ARID5B: variants seen among roughly 807,000 people sequenced by gnomAD.
ARID5B encodes AT-rich interaction domain 5B, also known as AT-rich interactive domain-containing protein 5B.
Under a neutral mutation model 97.2 loss-of-function variants are expected in ARID5B, and 13 were observed. The observed-to-expected ratio is 0.13, with a 90% confidence interval of 0.09 to 0.21. The LOEUF is 0.21. Ranked by LOEUF, ARID5B falls within the 10% of genes least tolerant of loss-of-function variation. ARID5B has a pLI of 1.00. For missense variants in ARID5B, 1,210 were observed against 1,465.3 expected, an observed-to-expected ratio of 0.83 and a Z score of 2.84; for synonymous variants, 556 against 570.3, an observed-to-expected ratio of 0.97 and a Z score of 0.36.
At chr10:62,075,312 A>C (rs904272932) in intron 8 of ARID5B, among the ~76,000 whole-genome samples, 1 of 151,364 alleles carries the variant, frequency 6.6e-6, no homozygotes, top group Non-Finnish European at 1.5e-5. Context: ...TCCAATATTT[A>C]AAAAAATATT....
chr10:62,003,152 GGGGGT>G (rs1411298486), intron 4 of ARID5B, among the ~76,000 whole-genome samples: 1 of 152,166 alleles, frequency 6.6e-6, no homozygotes, highest in Non-Finnish European at 1.5e-5. Context: ...TTATGGAGTA[GGGGGT>G]GGGAGGAGGT....
intron 3 of ARID5B, among the ~76,000 whole-genome samples, chr10:61,957,344 C>A (rs1054204815): frequency 6.6e-6 from 1 of 152,236 alleles, no homozygotes; most frequent in Non-Finnish European, 1.5e-5. Context: ...TCTCGGCTCA[C>A]TGCAACCTCC....
rs201944744 is a variant in ARID5B, at chr10:62,092,069, C to A, written c.2606C>A (p.Ser869Tyr). ...ATGTACAGGGAATCGGAAAACAGTT[C>A]TTTTCCTTCCCACAGACACCAAGAA... ...RDMYRESENS[S>Y]FPSHRHQEKL... The change falls in exon 10 of 10, where the codon TCT becomes TAT. Residue 869 changes from serine (S) to tyrosine (Y), a missense_variant. Coordinates refer to ENST00000279873, the MANE Select transcript of ARID5B (RefSeq NM_032199.3). The A allele has an allele frequency of 1.5e-5, 24 of 1,613,892 alleles. No homozygotes were observed. Among genetic ancestry groups the A allele is most frequent in the East Asian group, 2.2e-5 (1 of 44,898 alleles).
intron 4 of ARID5B, among the ~76,000 whole-genome samples, chr10:62,016,496 T>C (rs1368754169): frequency 6.6e-6 from 1 of 152,244 alleles, no homozygotes; most frequent in African/African-American, 2.4e-5. Context: ...AAACAGTGTA[T>C]CTTACAATTG....
intron 3 of ARID5B, among the ~76,000 whole-genome samples, chr10:61,967,982 T>C (rs1838569857): frequency 1.3e-5 from 2 of 151,872 alleles, no homozygotes; most frequent in South Asian, 4.2e-4. Context: ...TAAGGGCCTA[T>C]TATGCCCAGG....
At chr10:61,903,188 G>A (rs959760807) in intron 2 of ARID5B, among the ~76,000 whole-genome samples, 1 of 152,170 alleles carries the variant, frequency 6.6e-6, no homozygotes, top group Non-Finnish European at 1.5e-5. Context: ...GCGGGGGAGG[G>A]GAGGGCAGAG....
At chr10:62,026,441 C>A (rs1405224416) in intron 4 of ARID5B, among the ~76,000 whole-genome samples, 1 of 152,160 alleles carries the variant, frequency 6.6e-6, no homozygotes, top group African/African-American at 2.4e-5. Flanking sequence ...CCAGTGCTAA[C>A]CTTTGAGGCA....
intron 4 of ARID5B, among the ~76,000 whole-genome samples, chr10:62,027,916 C>G (rs545298836): frequency 6.6e-6 from 1 of 152,290 alleles, no homozygotes; most frequent in South Asian, 2.1e-4. Flanking sequence ...ATCCAGCTCA[C>G]CTTGCTGCAT....
chr10:61,958,660 CTT>C (rs1274245236), intron 3 of ARID5B, among the ~76,000 whole-genome samples: 2 of 152,204 alleles, frequency 1.3e-5, no homozygotes, highest in Admixed American at 1.3e-4. Context: ...TCAGCTCTGA[CTT>C]AGATTTTCTT....
intron 2 of ARID5B, among the ~76,000 whole-genome samples, chr10:61,922,905 C>G (rs1192865263): frequency 6.6e-6 from 1 of 151,978 alleles, no homozygotes; most frequent in Non-Finnish European, 1.5e-5. Flanking sequence ...GCAAAGTGCT[C>G]ACAACATACA....
intron 4 of ARID5B, among the ~76,000 whole-genome samples, chr10:62,008,491 A>T (rs958272310): frequency 6.6e-6 from 1 of 152,232 alleles, no homozygotes; most frequent in East Asian, 1.9e-4. Context: ...ATTTTGTAGG[A>T]TTTAAATAGA....
intron 3 of ARID5B, among the ~76,000 whole-genome samples, chr10:61,974,775 A>G (rs1838677331): frequency 6.6e-6 from 1 of 152,204 alleles, no homozygotes; most frequent in African/African-American, 2.4e-5. Flanking sequence ...CTGCTTGCCA[A>G]GCGGTCTAAA....
At chr10:61,915,967 G>C (rs1843895974) in intron 2 of ARID5B, among the ~76,000 whole-genome samples, 1 of 152,154 alleles carries the variant, frequency 6.6e-6, no homozygotes, top group East Asian at 1.9e-4. Flanking sequence ...TGTTGGTCAG[G>C]CAGGTCTTGA....
chr10:61,959,571 CT>C (rs1838441390), intron 3 of ARID5B, among the ~76,000 whole-genome samples: 1 of 152,156 alleles, frequency 6.6e-6, no homozygotes, highest in Non-Finnish European at 1.5e-5. Flanking sequence ...ATGCTACCCC[CT>C]GCCAAAATCT....
intron 4 of ARID5B, among the ~76,000 whole-genome samples, chr10:62,011,168 T>G (rs1200643065): frequency 6.6e-6 from 1 of 152,120 alleles, no homozygotes; most frequent in Admixed American, 6.6e-5. Flanking sequence ...CACACAGGAT[T>G]CAGCAGGGCA....
In ARID5B at chr10:61,901,770, C is replaced by G. The variant is rs772311051; in HGVS notation, c.21+40C>G. The G allele has an allele frequency of 2.5e-6, 4 of 1,603,372 alleles. No individual in the cohort carries two copies. In the African/African-American group the frequency reaches 5.4e-5, roughly 21 times the overall value. On this transcript the variant is annotated intron_variant, in intron 1 of 9. Coordinates refer to ENST00000279873, the MANE Select transcript of ARID5B (RefSeq NM_032199.3). ...TCCGCTCCTCCGATCCCGGCACCCC[C>G]CGGCACCCCCCAACCCCCCAGCTCA...
chr10:61,912,924 A>G (rs1213740452), intron 2 of ARID5B, among the ~76,000 whole-genome samples: 2 of 152,224 alleles, frequency 1.3e-5, no homozygotes, highest in Non-Finnish European at 2.9e-5. Flanking sequence ...TTTGCTTGCC[A>G]TTATCTAGTT....
At chr10:62,055,586 C>A (rs1295966366) in intron 5 of ARID5B, among the ~76,000 whole-genome samples, 1 of 152,130 alleles carries the variant, frequency 6.6e-6, no homozygotes, top group Non-Finnish European at 1.5e-5. Context: ...AAAATGATGA[C>A]AACATAAAGT....
intron 3 of ARID5B, among the ~76,000 whole-genome samples, chr10:61,950,751 T>A (rs1838312364): frequency 1.3e-5 from 2 of 152,204 alleles, no homozygotes; most frequent in African/African-American, 4.8e-5. Context: ...CCCCTTTCAG[T>A]TGGAGGTGCA....
Sources: gnomAD v4.1 joint callset for allele counts (sites outside exome capture counted in the v4.1 genomes callset) on GRCh38, gnomAD v4.1.1 for gene constraint, MANE v1.5 for transcripts, NCBI Gene and HGNC (gene_info 2026-07-23, HGNC 2026-07-21) for gene names.